Variants in ADGRL2 observed in about 807,000 individuals in gnomAD.
ADGRL2 encodes the protein calcium-independent alpha-latrotoxin receptor 2.
ADGRL2 carries 44 observed loss-of-function variants against 157.4 expected under a neutral mutation model. The ratio of observed to expected loss-of-function variants is 0.28; its 90% CI spans 0.22 to 0.36. The LOEUF (loss-of-function observed/expected upper bound fraction) is 0.36, where lower values mean the gene tolerates loss of function less well. Among genes scored for constraint, ADGRL2 ranks in the 10% least tolerant of loss-of-function variants. ADGRL2 has a pLI of 1.00. For missense variants in ADGRL2, 1,510 were observed against 1,768.9 expected (o/e 0.85, Z 2.63); for synonymous variants, 585 against 624.7 (o/e 0.94, Z 0.95).
chr1:81,764,247 A>C (rs2086028020), intron 2 of ADGRL2, among the ~76,000 whole-genome samples: 1 of 151,834 alleles, frequency 6.6e-6, no homozygotes, highest in South Asian at 2.1e-4. Flanking sequence ...TTTATCAAAA[A>C]ATTGCTTTTA....
intron 2 of ADGRL2, among the ~76,000 whole-genome samples, chr1:81,570,774 A>G (rs764572868): frequency 4.5e-4 from 69 of 152,250 alleles, no homozygotes; most frequent in Non-Finnish European, 8.4e-4. Context: ...CCAAAGAGAG[A>G]TCTTTAATTT....
At chr1:81,458,247 T>A (rs1414104877) in intron 2 of ADGRL2, among the ~76,000 whole-genome samples, 4 of 149,592 alleles carry the variant, frequency 2.7e-5, no homozygotes, top group African/African-American at 7.4e-5. Flanking sequence ...ATACTTACCA[T>A]GAGATCTACC....
intron 2 of ADGRL2, among the ~76,000 whole-genome samples, chr1:81,506,502 G>A (rs1014214850): frequency 6.6e-6 from 1 of 151,992 alleles, no homozygotes; most frequent in African/African-American, 2.4e-5. Context: ...TTGAGACCAG[G>A]AGTTTGAGAC....
upstream of ADGRL2, among the ~76,000 whole-genome samples, chr1:81,699,528 G>A (rs1164095023): frequency 2.0e-5 from 3 of 152,182 alleles, no homozygotes; most frequent in Admixed American, 2.0e-4. Flanking sequence ...GGTTATGAGG[G>A]TTTAGAGACA....
At chr1:81,488,641 G>A (rs1214573594) in intron 2 of ADGRL2, among the ~76,000 whole-genome samples, 2 of 151,918 alleles carry the variant, frequency 1.3e-5, no homozygotes, top group Non-Finnish European at 2.9e-5. Flanking sequence ...ATGGGAGGTC[G>A]GGGCTGCAGT....
chr1:81,555,871 C>T (rs1378017113), intron 2 of ADGRL2, among the ~76,000 whole-genome samples: 1 of 152,102 alleles, frequency 6.6e-6, no homozygotes, highest in Non-Finnish European at 1.5e-5. Context: ...CAAGCTTTAG[C>T]CCCTTGTAGC....
At chr1:81,611,035 A>G (rs1300166028) in intron 3 of ADGRL2, among the ~76,000 whole-genome samples, 2 of 152,220 alleles carry the variant, frequency 1.3e-5, no homozygotes, top group East Asian at 3.8e-4. Context: ...ACTAAGGCTA[A>G]TAAATTTTTT....
chr1:81,629,525 C>T lies in ADGRL2; in HGVS notation c.-143+48545C>T, dbSNP rs570047962. 1.1e-4 allele frequency among the ~76,000 whole-genome samples: 16 copies of T among 152,106 alleles called. No individual in the cohort carries two copies. In the South Asian group the frequency reaches 3.3e-3, roughly 32 times the overall value. ...AAGATTAGAATAAAATAGAATGTATCAGCATGCATAACACATGGTAAAGTT... is the reference window on the plus strand; with the variant it reads ...AAGATTAGAATAAAATAGAATGTATTAGCATGCATAACACATGGTAAAGTT... On this transcript the variant is annotated intron_variant, in intron 3 of 24. Coordinates refer to the ADGRL2 transcript ENST00000370721.
At chr1:81,618,550 GCT>G (rs1282163422) in intron 3 of ADGRL2, among the ~76,000 whole-genome samples, 1 of 152,136 alleles carries the variant, frequency 6.6e-6, no homozygotes, top group East Asian at 1.9e-4. Context: ...GAACAAAATA[GCT>G]CTTTTTGTTC....
rs17106680 is a variant in ADGRL2 at position 81,555,781 on chromosome 1, G to A, written c.-247-25095G>A. ...TCCACTGGCAATAACCTTCCTTAAC[G>A]GAAAATGTTTTCCCTCCCAAAATGT... is the stretch of plus-strand genomic sequence containing the variant. On this transcript the variant is annotated intron_variant, in intron 2 of 24. Transcript: ENST00000370721. 8.5e-3 allele frequency among the ~76,000 whole-genome samples: 1,295 copies of A among 152,102 alleles called. 23 individuals carry two copies. The highest frequency in any genetic ancestry group is 0.03 in the African/African-American group (1,235 of 41,474).
chr1:81,812,573 T>C (rs2089982391), intron 1 of ADGRL2, among the ~76,000 whole-genome samples: 2 of 151,776 alleles, frequency 1.3e-5, no homozygotes, highest in African/African-American at 2.4e-5. Flanking sequence ...GGAGAATGAC[T>C]GCAGAACTGT....
chr1:81,760,268 T>A (rs1390077910), intron 1 of ADGRL2, among the ~76,000 whole-genome samples: 1 of 152,060 alleles, frequency 6.6e-6, no homozygotes, highest in Non-Finnish European at 1.5e-5. Flanking sequence ...AAAGGAAATA[T>A]CTGATTAAAG....
chr1:81,735,403 C>T (rs1335104959), intron 1 of ADGRL2: 1 of 151,002 alleles, frequency 6.6e-6, no homozygotes, highest in African/African-American at 2.4e-5. Flanking sequence ...ATAAACACAC[C>T]TACCACATAC....
intron 3 of ADGRL2, among the ~76,000 whole-genome samples, chr1:81,908,235 C>T (rs1304648767): frequency 1.3e-5 from 2 of 152,116 alleles, no homozygotes; most frequent in Non-Finnish European, 2.9e-5. Context: ...AATAGGCTGA[C>T]AATGCATATC....
intron 2 of ADGRL2, among the ~76,000 whole-genome samples, chr1:81,896,103 A>G (rs1259038221): frequency 1.3e-5 from 2 of 152,210 alleles, no homozygotes; most frequent in African/African-American, 4.8e-5. Context: ...ATTAAATAAC[A>G]TAGAGTTGGA....
intron 2 of ADGRL2, among the ~76,000 whole-genome samples, chr1:81,499,191 G>A (rs77078170): frequency 2.0e-5 from 3 of 152,220 alleles, no homozygotes; most frequent in Non-Finnish European, 4.4e-5. Context: ...ACATGTATTC[G>A]AGAAGTAAAT....
chr1:81,382,865 A>G (rs141874718), intron 1 of ADGRL2, among the ~76,000 whole-genome samples: 3 of 152,344 alleles, frequency 2.0e-5, no homozygotes, highest in Admixed American at 2.0e-4. Flanking sequence ...GAGTGTTTCC[A>G]TGAGGATTTC....
intron 2 of ADGRL2, among the ~76,000 whole-genome samples, chr1:81,508,068 T>A (rs1360433235): frequency 1.3e-5 from 2 of 152,270 alleles, no homozygotes; most frequent in African/African-American, 2.4e-5. Context: ...TTAGCATGAA[T>A]TCTATCACTC....
At chr1:81,978,433 T>A (rs1163776975) in intron 17 of ADGRL2, among the ~76,000 whole-genome samples, 2 of 151,936 alleles carry the variant, frequency 1.3e-5, no homozygotes, top group African/African-American at 2.4e-5. Flanking sequence ...AAATTTTTTT[T>A]AAACAAAGCA....
Sources: gnomAD v4.1 joint callset for allele counts (sites outside exome capture counted in the v4.1 genomes callset) on GRCh38, gnomAD v4.1.1 for gene constraint, MANE v1.5 for transcripts, NCBI Gene and HGNC (gene_info 2026-07-23, HGNC 2026-07-21) for gene names.